KIFAP3: variants seen among roughly 807,000 people sequenced by gnomAD.
KIFAP3 encodes the protein kinesin associated protein 3.
In KIFAP3, 68 loss-of-function variants were observed where a neutral mutation model predicts 106.5. The observed-to-expected ratio is 0.64, with a 90% CI of 0.53 to 0.78. The LOEUF (loss-of-function observed/expected upper bound fraction) is 0.78. Ranked by LOEUF, KIFAP3 falls within the 30% of genes least tolerant of loss-of-function variation. The probability of loss-of-function intolerance (pLI) is 0.00; values close to 1 mark genes in which losing one functional copy is unlikely to be tolerated. For synonymous variants in KIFAP3, 320 were observed against 311.5 expected (o/e 1.03, Z -0.29); for missense variants, 780 against 941.8 (o/e 0.83, Z 2.25).
chr1:169,927,399 T>A (rs1256285581), intron 19 of KIFAP3, among the ~76,000 whole-genome samples: 2 of 152,206 alleles, frequency 1.3e-5, no homozygotes, highest in African/African-American at 4.8e-5. Context: ...AGAGGGGGGA[T>A]AAATATTTAA....
rs12024570 is a variant in KIFAP3, at chr1:169,946,821, C to T, written c.2273+7190G>A. Among the ~76,000 whole-genome samples, 1,176 of 151,794 alleles carry T rather than the reference C, an allele frequency of 7.7e-3. 24 individuals carry two copies. In the South Asian group the frequency reaches 0.081, roughly 10 times the overall value. ...CTCCTAAGGTATTCCACCTTCTTAA[C>T]TAAAAAAGTAATTGGGACAGCTACT... On this transcript the variant is annotated intron_variant, in intron 19 of 19. Transcript: ENST00000361580.
intron 10 of KIFAP3, among the ~76,000 whole-genome samples, chr1:170,007,411 A>AT (rs1481421630): frequency 6.6e-6 from 1 of 152,058 alleles, no homozygotes; most frequent in Non-Finnish European, 1.5e-5. Context: ...GAAAATGAAG[A>AT]CAGGAAATGA....
chr1:170,079,329 C>T (rs1471206848), upstream of KIFAP3, among the ~76,000 whole-genome samples: 4 of 152,222 alleles, frequency 2.6e-5, no homozygotes, highest in Non-Finnish European at 5.9e-5. Context: ...GAAGCAGATA[C>T]TGGCCCCCTA....
chr1:169,962,978 C>T (rs1212668911), intron 17 of KIFAP3, among the ~76,000 whole-genome samples: 3 of 152,052 alleles, frequency 2.0e-5, no homozygotes, highest in Non-Finnish European at 4.4e-5. Context: ...ATTTTAGGTT[C>T]AGGGATACAT....
chr1:170,018,382 T>C (rs1257392082), intron 9 of KIFAP3, among the ~76,000 whole-genome samples: 2 of 152,142 alleles, frequency 1.3e-5, no homozygotes, highest in African/African-American at 4.8e-5. Context: ...ACTTACTTTA[T>C]AGTAACAGAG....
At chr1:169,961,384 T>G (rs143676104) in intron 17 of KIFAP3, 149 bp from the exon 18 acceptor site, 148 of 564,064 alleles carry the variant, frequency 2.6e-4, no homozygotes, top group African/African-American at 2.6e-3. Context: ...TTTTATATAA[T>G]AGCCAACAAA....
intron 1 of KIFAP3, among the ~76,000 whole-genome samples, chr1:170,080,487 T>A (rs1672003416): frequency 6.6e-6 from 1 of 152,140 alleles, no homozygotes; most frequent in Non-Finnish European, 1.5e-5. Context: ...AAAGGCTTCA[T>A]GATTAAAAGA....
intron 3 of KIFAP3, among the ~76,000 whole-genome samples, chr1:170,039,493 T>TA (rs1669867874): frequency 6.6e-6 from 1 of 152,196 alleles, no homozygotes; most frequent in Non-Finnish European, 1.5e-5. Context: ...TATAAATTAA[T>TA]AAAATCTATA....
intron 18 of KIFAP3, among the ~76,000 whole-genome samples, chr1:169,956,130 C>T (rs759895955): frequency 5.3e-5 from 8 of 151,880 alleles, no homozygotes; most frequent in African/African-American, 1.9e-4. Context: ...AAGAAACCTG[C>T]CAATTTTAGA....
intron 8 of KIFAP3, among the ~76,000 whole-genome samples, chr1:170,030,823 A>T (rs1669365468): frequency 6.6e-6 from 1 of 151,968 alleles, no homozygotes; most frequent in African/African-American, 2.4e-5. Flanking sequence ...AGAGATTGTA[A>T]AGATGCATGA....
At chr1:169,957,896 G>A (rs1277526452) in intron 18 of KIFAP3, 1 of 152,270 alleles carries the variant, frequency 6.6e-6, no homozygotes, top group Non-Finnish European at 1.5e-5. Context: ...CAAAGTGCTG[G>A]GATTACAAGC....
At chr1:170,073,667 C>A (rs972628028) in intron 1 of KIFAP3, among the ~76,000 whole-genome samples, 1 of 151,848 alleles carries the variant, frequency 6.6e-6, no homozygotes, top group Non-Finnish European at 1.5e-5. Context: ...AAATTTTTTT[C>A]TATTGGATCA....
intron 19 of KIFAP3, among the ~76,000 whole-genome samples, chr1:169,941,993 T>C (rs1664145058): frequency 6.6e-6 from 1 of 151,900 alleles, no homozygotes; most frequent in Admixed American, 6.6e-5. Flanking sequence ...ATTTCCTTTA[T>C]GTTTGTAAGG....
Position 170,074,602 on chromosome 1 carries a change from C to T in KIFAP3, c.-135G>A, listed in dbSNP as rs1385243591. The T allele has an allele frequency of 6.5e-7, 1 of 1,533,100 alleles. No individual in the cohort carries two copies. Among genetic ancestry groups the T allele is most frequent in the Non-Finnish European group, 8.8e-7 (1 of 1,137,722 alleles). 95.0% of individuals were successfully genotyped at this position (1,533,100 alleles called of 1,614,324 possible). A position where few individuals can be genotyped will look rare whatever the true frequency, so the allele number is the denominator to read the frequency against. Reference sequence around the variant, plus strand: ...TGAGGCCTGCAAGGCGGGGCAGCAGCGGCGCTGTGGTTACCACGGTGAAGC... The same window carrying T: ...TGAGGCCTGCAAGGCGGGGCAGCAGTGGCGCTGTGGTTACCACGGTGAAGC... On this transcript the variant is annotated 5_prime_UTR_variant, in exon 1 of 20. Transcript: ENST00000361580.
chr1:169,974,601 T>C, intron 16 of KIFAP3, among the ~76,000 whole-genome samples: 1 of 152,042 alleles, frequency 6.6e-6, no homozygotes, highest in Middle Eastern at 3.4e-3. Flanking sequence ...TTGTGCATTT[T>C]TTAAAAATAT....
chr1:170,006,799 T>C (rs1359432206), intron 10 of KIFAP3, among the ~76,000 whole-genome samples: 3 of 152,142 alleles, frequency 2.0e-5, no homozygotes, highest in African/African-American at 7.2e-5. Context: ...AGGAGTAATA[T>C]CTGGACCAAC....
At position 169,982,741 on chromosome 1, in the gene KIFAP3, ATTCT is replaced by A; in HGVS notation, c.1629_1632del (p.Lys543AsnfsTer12). 1 of 1,609,994 alleles carries A rather than the reference ATTCT, an allele frequency of 6.2e-7. No individual in the cohort carries two copies. Among genetic ancestry groups the A allele is most frequent in the South Asian group, 1.1e-5 (1 of 90,552 alleles). On this transcript the variant is annotated frameshift_variant, in exon 14 of 20. Coordinates refer to ENST00000361580, the MANE Select transcript of KIFAP3 (RefSeq NM_014970.4). LOFTEE classifies it high-confidence loss of function. Reference sequence around the variant, plus strand: ...TCCTTGAGGTATGGAACCAACTTATATTCTTTAAGAACCAATTCCCAGTCTAAGT... The same window carrying A: ...TCCTTGAGGTATGGAACCAACTTATATTAAGAACCAATTCCCAGTCTAAGT...
chr1:169,938,882 C>A (rs671921), intron 19 of KIFAP3, among the ~76,000 whole-genome samples: 142,431 of 152,294 alleles, frequency 0.94, 66,691 homozygotes, highest in East Asian at 0.99. Flanking sequence ...TGACAAAGTG[C>A]GAAAGAACTT....
At chr1:170,044,080 G>C (rs1451664746) in intron 3 of KIFAP3, among the ~76,000 whole-genome samples, 4 of 152,144 alleles carry the variant, frequency 2.6e-5, no homozygotes, top group Non-Finnish European at 5.9e-5. Flanking sequence ...ACAGGAGAGG[G>C]TAAAATGGTC....
Sources: gnomAD v4.1 joint callset for allele counts (sites outside exome capture counted in the v4.1 genomes callset) on GRCh38, gnomAD v4.1.1 for gene constraint, MANE v1.5 for transcripts, NCBI Gene and HGNC (gene_info 2026-07-23, HGNC 2026-07-21) for gene names.